KCNH1: variants seen among roughly 807,000 people sequenced by gnomAD.
The protein encoded by KCNH1 is voltage-gated delayed rectifier potassium channel KCNH1.
A neutral mutation model predicts 69.2 loss-of-function variants in KCNH1; 27 were observed. The ratio of observed to expected loss-of-function variants is 0.39; its 90% confidence interval spans 0.29 to 0.54. The LOEUF (loss-of-function observed/expected upper bound fraction) is 0.54. Among genes scored for constraint, KCNH1 ranks in the 20% least tolerant of loss-of-function variants. KCNH1 has a pLI of 0.68. For missense variants in KCNH1, 798 were observed against 1,261.6 expected, an observed-to-expected ratio of 0.63 and a Z score of 5.57; for synonymous variants, 456 against 487.7, an observed-to-expected ratio of 0.93 and a Z score of 0.86.
intron 7 of KCNH1, among the ~76,000 whole-genome samples, chr1:210,885,661 C>A (rs1364500479): frequency 6.6e-6 from 1 of 152,134 alleles, no homozygotes; most frequent in East Asian, 1.9e-4. Flanking sequence ...TTCTTGCTGC[C>A]AGCACAGCAG....
intron 10 of KCNH1, among the ~76,000 whole-genome samples, chr1:210,762,787 C>T (rs1036199385): frequency 6.6e-6 from 1 of 152,028 alleles, no homozygotes; most frequent in Non-Finnish European, 1.5e-5. Context: ...CAAATTCGAC[C>T]AGATATACAA....
intron 6 of KCNH1, among the ~76,000 whole-genome samples, chr1:211,003,502 T>C (rs1689226166): frequency 6.6e-6 from 1 of 152,210 alleles, no homozygotes; most frequent in Non-Finnish European, 1.5e-5. Flanking sequence ...AGGCTTCTGC[T>C]GTTACTAGCT....
chr1:210,927,403 T>C (rs544209729), intron 6 of KCNH1, among the ~76,000 whole-genome samples: 3 of 152,356 alleles, frequency 2.0e-5, no homozygotes, highest in Admixed American at 6.5e-5. Context: ...TAGGGTCCTA[T>C]TTTTAGCCTC....
At chr1:211,102,719 C>T (rs960926642) in intron 3 of KCNH1, among the ~76,000 whole-genome samples, 2 of 152,186 alleles carry the variant, frequency 1.3e-5, no homozygotes, top group Admixed American at 6.6e-5. Flanking sequence ...CCAAATTAAA[C>T]GGTTATCCTC....
At chr1:210,981,219 G>A (rs1361905142) in intron 6 of KCNH1, among the ~76,000 whole-genome samples, 2 of 152,084 alleles carry the variant, frequency 1.3e-5, no homozygotes, top group African/African-American at 4.8e-5. Flanking sequence ...TTTAACTCAT[G>A]TCTTATTCTA....
chr1:211,052,079 G>C (rs1571609222), intron 5 of KCNH1, among the ~76,000 whole-genome samples: 1 of 152,156 alleles, frequency 6.6e-6, no homozygotes, highest in South Asian at 2.1e-4. Context: ...TTGAACAGTT[G>C]AGTTCTCCCC....
At chr1:210,862,927 G>T (rs1686011842) in intron 7 of KCNH1, among the ~76,000 whole-genome samples, 1 of 152,188 alleles carries the variant, frequency 6.6e-6, no homozygotes, top group African/African-American at 2.4e-5. Flanking sequence ...ATTCCCTGAA[G>T]CCAGTGGGCT....
chr1:211,048,907 C>T (rs1690141701), intron 5 of KCNH1, among the ~76,000 whole-genome samples: 1 of 152,216 alleles, frequency 6.6e-6, no homozygotes, highest in East Asian at 1.9e-4. Flanking sequence ...GGATGAGAAT[C>T]AGGAAGTTTC....
chr1:211,130,666 C>G (rs1691859365), intron 1 of KCNH1, among the ~76,000 whole-genome samples: 1 of 152,102 alleles, frequency 6.6e-6, no homozygotes, highest in South Asian at 2.1e-4. Context: ...CCTGAGGATT[C>G]TTAGGTGAGT....
intron 5 of KCNH1, among the ~76,000 whole-genome samples, chr1:211,057,250 A>C (rs1690327901): frequency 6.6e-6 from 1 of 152,224 alleles, no homozygotes. Context: ...AATGCATCAG[A>C]GTCTCTTAAT....
chr1:210,804,957 G>T (rs890873272), intron 7 of KCNH1, among the ~76,000 whole-genome samples: 7 of 152,114 alleles, frequency 4.6e-5, no homozygotes, highest in African/African-American at 1.7e-4. Context: ...TAGGAAGAAG[G>T]ACCATTATGT....
chr1:210,772,493 A>G (rs1683771215), intron 10 of KCNH1, among the ~76,000 whole-genome samples: 1 of 152,112 alleles, frequency 6.6e-6, no homozygotes, highest in Admixed American at 6.5e-5. Flanking sequence ...CAATGGCAAT[A>G]ATAAAATGAC....
rs1681594653 is a variant in KCNH1 at position 210,694,453 on chromosome 1, G to T, written c.2113-10315C>A. Reference sequence around the variant, plus strand: ...TGAAGCCAAAAACAGCTGAAGGGTGGTGGGAGTAGGCAGTATTCCCATCCA... The same window carrying T: ...TGAAGCCAAAAACAGCTGAAGGGTGTTGGGAGTAGGCAGTATTCCCATCCA... On this transcript the variant is annotated intron_variant, in intron 10 of 10. Transcript: ENST00000271751. Among the ~76,000 whole-genome samples the T allele has an allele frequency of 2.0e-5, 3 of 152,164 alleles. No homozygotes were observed. In the South Asian group the frequency reaches 6.2e-4, roughly 32 times the overall value.
chr1:210,956,232 C>T (rs1343581880), intron 6 of KCNH1, among the ~76,000 whole-genome samples: 1 of 152,154 alleles, frequency 6.6e-6, no homozygotes, highest in African/African-American at 2.4e-5. Context: ...TTGAATAAGA[C>T]TTGCATCCCA....
intron 7 of KCNH1, among the ~76,000 whole-genome samples, chr1:210,888,152 T>C (rs997423438): frequency 1.3e-5 from 2 of 152,098 alleles, no homozygotes; most frequent in Non-Finnish European, 2.9e-5. Context: ...GACCACAAAA[T>C]TGGAAGTAAA....
rs144003565 is a variant in KCNH1 at position 211,083,234 on chromosome 1, C to T, written c.440-336G>A. ...AACATCTCTTCACTCTGGCCCAAGCCTTCTTCAGAAGATAATATCGGGTAA... is the reference window on the plus strand; with the variant it reads ...AACATCTCTTCACTCTGGCCCAAGCTTTCTTCAGAAGATAATATCGGGTAA... On this transcript the variant is annotated intron_variant, in intron 4 of 10. Coordinates refer to ENST00000271751, the MANE Select transcript of KCNH1 (RefSeq NM_172362.3). Among the ~76,000 whole-genome samples, 583 of 152,348 alleles carry T rather than the reference C, an allele frequency of 3.8e-3. 1 individual carries two copies. The highest frequency in any genetic ancestry group is 0.014 in the African/African-American group (564 of 41,576).
intron 7 of KCNH1, among the ~76,000 whole-genome samples, chr1:210,843,314 T>C (rs1374420914): frequency 6.6e-6 from 1 of 152,194 alleles, no homozygotes; most frequent in Non-Finnish European, 1.5e-5. Context: ...CTCTATATGC[T>C]GAGCAATCAC....
At chr1:210,806,095 C>G (rs140139461) in intron 7 of KCNH1, among the ~76,000 whole-genome samples, 3 of 152,144 alleles carry the variant, frequency 2.0e-5, no homozygotes, top group African/African-American at 7.2e-5. Flanking sequence ...AGTGAAATTG[C>G]TGGGTCATAC....
chr1:210,832,948 A>C (rs1685194815), intron 7 of KCNH1, among the ~76,000 whole-genome samples: 1 of 149,460 alleles, frequency 6.7e-6, no homozygotes. Flanking sequence ...TGAGGAAGTT[A>C]AATAACGTTA....
Sources: allele counts gnomAD v4.1 joint callset (sites outside exome capture counted in the v4.1 genomes callset), GRCh38; gene constraint gnomAD v4.1.1; transcripts MANE v1.5; gene names NCBI Gene and HGNC (gene_info 2026-07-23, HGNC 2026-07-21).